NFIA: variants seen among roughly 807,000 people sequenced by gnomAD.
NFIA encodes nuclear factor I A.
Under a neutral mutation model 62.8 loss-of-function variants are expected in NFIA, and 8 were observed. The observed-to-expected ratio is 0.13, with a 90% confidence interval of 0.07 to 0.23. The LOEUF is 0.23. Ranked by LOEUF, NFIA falls within the 10% of genes least tolerant of loss-of-function variation. The pLI, the probability that NFIA is intolerant of heterozygous loss-of-function variation, is 1.00. For synonymous variants in NFIA, 235 were observed against 238.1 expected (o/e 0.99, Z 0.12); for missense variants, 410 against 642.1 (o/e 0.64, Z 3.91).
intron 9 of NFIA, among the ~76,000 whole-genome samples, chr1:61,412,251 T>G (rs2100534012): frequency 6.6e-6 from 1 of 152,050 alleles, no homozygotes; most frequent in Admixed American, 6.5e-5. Flanking sequence ...TACATTTTAG[T>G]GGAAGGGGAT....
chr1:61,178,510 G>GA (rs1370106118), intron 2 of NFIA, among the ~76,000 whole-genome samples: 11 of 152,288 alleles, frequency 7.2e-5, no homozygotes, highest in African/African-American at 2.6e-4. Flanking sequence ...GATCATCACT[G>GA]ATGTTAAATA....
At chr1:61,197,500 G>A (rs943670522) in intron 2 of NFIA, among the ~76,000 whole-genome samples, 1 of 151,244 alleles carries the variant, frequency 6.6e-6, no homozygotes, top group Non-Finnish European at 1.5e-5. Context: ...GCCTCCCAAA[G>A]TGCTGGGATT....
chr1:61,440,632 T>TC (rs1667531969), intron 10 of NFIA, among the ~76,000 whole-genome samples: 2 of 152,164 alleles, frequency 1.3e-5, no homozygotes, highest in African/African-American at 4.8e-5. Context: ...TGTTTTTTTT[T>TC]CTCTTTCAGA....
At chr1:61,138,359 G>C (rs1647256687) in intron 2 of NFIA, among the ~76,000 whole-genome samples, 1 of 152,252 alleles carries the variant, frequency 6.6e-6, no homozygotes, top group Non-Finnish European at 1.5e-5. Flanking sequence ...GCTTCCCAAA[G>C]TATTGGAATT....
rs541561881 is a variant in NFIA, at chr1:61,125,219, A to T, written c.559+36539A>T. 10 of 152,268 alleles carry T rather than the reference A, an allele frequency of 6.6e-5. No homozygotes were observed. In the South Asian group the frequency reaches 2.1e-3, roughly 32 times the overall value. 9.4% of individuals were successfully genotyped at this position (152,268 alleles called of 1,614,324 possible). A position where few individuals can be genotyped will look rare whatever the true frequency, so the allele number is the denominator to read the frequency against. ...AATATCCCCTTTTTTGTTGTTGTTT[A>T]TGAATGGCCAATAATTTATTCACAT... On this transcript the variant is annotated intron_variant, in intron 2 of 10. Transcript: ENST00000403491.
intron 6 of NFIA, among the ~76,000 whole-genome samples, chr1:61,372,148 T>C (rs909580081): frequency 5.9e-5 from 9 of 151,920 alleles, no homozygotes; most frequent in Admixed American, 5.3e-4. Flanking sequence ...TTTGGACAAA[T>C]AAGATGAGGA....
intron 4 of NFIA, among the ~76,000 whole-genome samples, chr1:61,336,614 T>C (rs12066006): frequency 0.11 from 17,084 of 152,224 alleles, 1,014 homozygotes; most frequent in South Asian, 0.16. Flanking sequence ...GCTACTATTA[T>C]GGTATCATAT....
intron 4 of NFIA, among the ~76,000 whole-genome samples, chr1:61,337,725 T>C (rs960556798): frequency 3.9e-5 from 6 of 152,202 alleles, no homozygotes; most frequent in Non-Finnish European, 8.8e-5. Flanking sequence ...TTGGTCTCTT[T>C]CCCTTGAAGT....
At chr1:61,377,272 A>C (rs1448171334) in intron 6 of NFIA, among the ~76,000 whole-genome samples, 1 of 152,024 alleles carries the variant, frequency 6.6e-6, no homozygotes, top group African/African-American at 2.4e-5. Context: ...GATATTTATA[A>C]GTACATGGCA....
chr1:61,338,875 A>G (rs972334696), intron 4 of NFIA, among the ~76,000 whole-genome samples: 3 of 152,226 alleles, frequency 2.0e-5, no homozygotes, highest in Non-Finnish European at 4.4e-5. Context: ...TGTGTTAAGT[A>G]ACACGATAGC....
intron 9 of NFIA, among the ~76,000 whole-genome samples, chr1:61,417,649 A>G (rs1666415796): frequency 6.6e-6 from 1 of 152,160 alleles, no homozygotes; most frequent in South Asian, 2.1e-4. Flanking sequence ...TGATCATAAC[A>G]TTAACCCTTG....
intron 7 of NFIA, among the ~76,000 whole-genome samples, chr1:61,391,109 G>A (rs1664953487): frequency 6.6e-6 from 1 of 152,078 alleles, no homozygotes. Context: ...CACCCAGGCT[G>A]GAGTGCAGTG....
chr1:61,239,716 A>G (rs333164), intron 2 of NFIA, among the ~76,000 whole-genome samples: 11,047 of 152,222 alleles, frequency 0.073, 504 homozygotes, highest in East Asian at 0.16. Context: ...AACACTTAAT[A>G]TATTATTCGA....
At chr1:61,082,433 C>G (rs1277077962), upstream of NFIA, 3 of 1,018,558 alleles carry the variant, frequency 2.9e-6, no homozygotes, top group African/African-American at 1.8e-5. Context: ...AGAGCGGAGG[C>G]GGAGGCGGGC....
In NFIA at chr1:61,319,048, T is replaced by C. The variant is rs185048687; in HGVS notation, c.626-13464T>C. Among the ~76,000 whole-genome samples, 38 of 152,224 alleles carry C rather than the reference T, an allele frequency of 2.5e-4. No homozygotes were observed. The East Asian group carries it at 7.0e-3, about 28-fold the overall frequency. ...GTGGTTTCAGAGCAGTGTCAGCAAG[T>C]ATGGAGTCCTGTGTAGGAATCTGAG... On this transcript the variant is annotated intron_variant, in intron 3 of 10. Coordinates refer to ENST00000403491, the MANE Select transcript of NFIA (RefSeq NM_001134673.4).
chr1:61,117,810 G>A (rs537289134), intron 2 of NFIA, among the ~76,000 whole-genome samples: 2 of 152,252 alleles, frequency 1.3e-5, no homozygotes, highest in South Asian at 2.1e-4. Context: ...ATAGTCTGTA[G>A]CCTCAAATTT....
intron 10 of NFIA, among the ~76,000 whole-genome samples, chr1:61,434,111 C>A (rs970264365): frequency 7.9e-5 from 12 of 152,184 alleles, no homozygotes; most frequent in African/African-American, 2.9e-4. Context: ...ACCATTGCTT[C>A]TCTTACGCTA....
At chr1:61,104,471 A>G (rs1194790921) in intron 2 of NFIA, among the ~76,000 whole-genome samples, 1 of 151,774 alleles carries the variant, frequency 6.6e-6, no homozygotes, top group Non-Finnish European at 1.5e-5. Context: ...CAATTTCATT[A>G]GACGGAAATG....
intron 2 of NFIA, among the ~76,000 whole-genome samples, chr1:61,184,125 CA>C (rs71050114): frequency 0.13 from 12,502 of 94,794 alleles, 413 homozygotes; most frequent in East Asian, 0.3. Context: ...GAAAAAAAAC[CA>C]AAAAAAAAAA....
Sources: gnomAD v4.1 joint callset for allele counts (sites outside exome capture counted in the v4.1 genomes callset) on GRCh38, gnomAD v4.1.1 for gene constraint, MANE v1.5 for transcripts, NCBI Gene and HGNC (gene_info 2026-07-23, HGNC 2026-07-21) for gene names.